The following RBPMS variants were observed in gnomAD, a reference collection of about 807,000 sequenced individuals.
RBPMS encodes the protein RNA binding protein, mRNA processing factor.
A neutral mutation model predicts 26.8 loss-of-function variants in RBPMS; 7 were observed. The ratio of observed to expected loss-of-function variants is 0.26; its 90% CI spans 0.15 to 0.49. The LOEUF is 0.49. Among genes scored for constraint, RBPMS ranks in the 20% least tolerant of loss-of-function variants. The pLI is 0.98. For synonymous variants in RBPMS, 96 were observed against 93.3 expected, an observed-to-expected ratio of 1.03 and a Z score of -0.17; for missense variants, 186 against 250.0, an observed-to-expected ratio of 0.74 and a Z score of 1.73.
At chr8:30,534,518 G>C (rs1430700522) in intron 5 of RBPMS, among the ~76,000 whole-genome samples, 2 of 152,194 alleles carry the variant, frequency 1.3e-5, no homozygotes, top group Non-Finnish European at 2.9e-5. Flanking sequence ...GTAGCCCACG[G>C]CTAGCCAGCA....
chr8:30,544,263 C>A (rs528552382), intron 5 of RBPMS, among the ~76,000 whole-genome samples: 1 of 152,366 alleles, frequency 6.6e-6, no homozygotes, highest in East Asian at 1.9e-4. Context: ...GGCCTGAGAT[C>A]TCAGCAGGCC....
At chr8:30,385,728 TTG>T (rs1806986882) in intron 1 of RBPMS, among the ~76,000 whole-genome samples, 1 of 152,114 alleles carries the variant, frequency 6.6e-6, no homozygotes, top group East Asian at 1.9e-4. Context: ...CGGTGAACGC[TTG>T]TGATTTTAGG....
At chr8:30,418,339 C>T (rs1308147837) in intron 1 of RBPMS, among the ~76,000 whole-genome samples, 1 of 152,208 alleles carries the variant, frequency 6.6e-6, no homozygotes, top group African/African-American at 2.4e-5. Context: ...GCCTCAGTCT[C>T]CCCAGTAGCT....
At chr8:30,470,879 A>T (rs867475433) in intron 1 of RBPMS, among the ~76,000 whole-genome samples, 2 of 152,190 alleles carry the variant, frequency 1.3e-5, no homozygotes, top group East Asian at 3.8e-4. Flanking sequence ...ACAATTTTCT[A>T]TTGAAACACT....
intron 1 of RBPMS, among the ~76,000 whole-genome samples, chr8:30,434,349 A>G (rs572226698): frequency 1.3e-5 from 2 of 152,180 alleles, no homozygotes; most frequent in South Asian, 4.2e-4. Flanking sequence ...GAGTGGGGGT[A>G]GGGGAGTTAC....
chr8:30,421,348 T>A (rs1810764825), intron 1 of RBPMS, among the ~76,000 whole-genome samples: 1 of 152,184 alleles, frequency 6.6e-6, no homozygotes, highest in South Asian at 2.1e-4. Flanking sequence ...TTAACTTTAG[T>A]TCTGGACAGG....
At chr8:30,504,538 T>C (rs1434958089) in intron 5 of RBPMS, 102 bp downstream of exon 5, 1 of 1,219,282 alleles carries the variant, frequency 8.2e-7, no homozygotes, top group Admixed American at 2.2e-5. Flanking sequence ...CTGAGTCTTA[T>C]TTTCCATTTC....
intron 5 of RBPMS, among the ~76,000 whole-genome samples, chr8:30,539,094 T>C (rs1339706272): frequency 6.6e-6 from 1 of 152,240 alleles, no homozygotes. Flanking sequence ...AGTTGATTGC[T>C]AACAGAATCC....
rs1165112710 is a variant in RBPMS at position 30,570,905 on chromosome 8, G to A, written c.*380G>A. The A allele has an allele frequency of 6.6e-6, 1 of 152,138 alleles. No homozygotes were observed. The highest frequency in any genetic ancestry group is 1.5e-5 in the Non-Finnish European group (1 of 68,038). 9.4% of individuals were successfully genotyped at this position (152,138 alleles called of 1,614,324 possible). Reference sequence around the variant, plus strand: ...TTATACCAAACATTTTAAGTATGCTGGGATGGACGATCTTACACTGGTTTG... The same window carrying A: ...TTATACCAAACATTTTAAGTATGCTAGGATGGACGATCTTACACTGGTTTG... On this transcript the variant is annotated 3_prime_UTR_variant, in exon 9 of 9. Transcript: ENST00000397323.
intron 1 of RBPMS, among the ~76,000 whole-genome samples, chr8:30,470,166 C>G (rs985229045): frequency 6.6e-6 from 1 of 151,686 alleles, no homozygotes; most frequent in Non-Finnish European, 1.5e-5. Context: ...GGCAGATCAC[C>G]TGAGTTCAGG....
At chr8:30,563,420 T>C (rs1290947876) in intron 7 of RBPMS, among the ~76,000 whole-genome samples, 7 of 151,872 alleles carry the variant, frequency 4.6e-5, no homozygotes, top group Non-Finnish European at 1.0e-4. Context: ...GCAGTGAGAG[T>C]GAGGCAGCTT....
intron 6 of RBPMS, chr8:30,544,959 C>T: frequency 2.1e-6 from 3 of 1,460,022 alleles, no homozygotes; most frequent in Middle Eastern, 1.8e-4. Context: ...TACGTGTGTG[C>T]CTTGTGTGGA....
At chr8:30,451,834 G>T (rs751756920) in intron 1 of RBPMS, among the ~76,000 whole-genome samples, 14 of 152,138 alleles carry the variant, frequency 9.2e-5, no homozygotes, top group Admixed American at 2.0e-4. Context: ...GGGACTGGGG[G>T]ACGGCAGGCA....
chr8:30,545,568 C>A, intron 6 of RBPMS: 1 of 448,604 alleles, frequency 2.2e-6, no homozygotes, highest in Non-Finnish European at 2.9e-6. Flanking sequence ...TTTCGTTTGC[C>A]TGTTTTGCTC....
At chr8:30,465,508 G>A (rs763862004) in intron 1 of RBPMS, among the ~76,000 whole-genome samples, 6 of 152,134 alleles carry the variant, frequency 3.9e-5, no homozygotes, top group Admixed American at 1.3e-4. Context: ...CCTATCAGGC[G>A]GGGCACAGTG....
At chr8:30,388,840 T>A (rs1807438782) in intron 1 of RBPMS, among the ~76,000 whole-genome samples, 1 of 152,176 alleles carries the variant, frequency 6.6e-6, no homozygotes, top group South Asian at 2.1e-4. Context: ...TTGCTTTGAA[T>A]TGACTTGTAC....
chr8:30,503,081 T>C (rs1324685070), intron 4 of RBPMS, among the ~76,000 whole-genome samples: 1 of 152,088 alleles, frequency 6.6e-6, no homozygotes, highest in African/African-American at 2.4e-5. Context: ...CAGGGCTCTG[T>C]GGCTTTTGTT....
chr8:30,490,034 G>C (rs189606427), intron 4 of RBPMS, among the ~76,000 whole-genome samples: 6 of 151,540 alleles, frequency 4.0e-5, no homozygotes, highest in African/African-American at 2.4e-5. Flanking sequence ...GGATGGTCTC[G>C]ATCTCCTGAT....
Position 30,474,771 on chromosome 8 carries a change from T to G in RBPMS, c.67-8T>G. The G allele has an allele frequency of 6.3e-7, 1 of 1,594,944 alleles. No individual in the cohort carries two copies. The highest frequency in any genetic ancestry group is 8.6e-7 in the Non-Finnish European group (1 of 1,163,056). On this transcript the variant is annotated splice_polypyrimidine_tract_variant and splice_region_variant and intron_variant, in intron 1 of 8. Transcript: ENST00000397323. Reference sequence around the variant, plus strand: ...ACCCTTGATCACTTCCTAAATTTATTTTTCCAGGTCCGGACCCTATTTGTC... The same window carrying G: ...ACCCTTGATCACTTCCTAAATTTATGTTTCCAGGTCCGGACCCTATTTGTC...
Sources: allele counts gnomAD v4.1 joint callset (sites outside exome capture counted in the v4.1 genomes callset), GRCh38; gene constraint gnomAD v4.1.1; transcripts MANE v1.5; gene names NCBI Gene and HGNC (gene_info 2026-07-23, HGNC 2026-07-21).